ZRANB2: variants seen among roughly 807,000 people sequenced by gnomAD.
ZRANB2 encodes the protein zinc finger RANBP2-type containing 2, also known as zinc finger Ran-binding domain-containing protein 2.
ZRANB2 carries 19 observed loss-of-function variants against 53.4 expected under a neutral mutation model. That is an observed-to-expected ratio of 0.36 (90% CI 0.25 to 0.52). The LOEUF is 0.52. Among genes scored for constraint, ZRANB2 ranks in the 20% least tolerant of loss-of-function variants. The pLI, the probability that ZRANB2 is intolerant of heterozygous loss-of-function variation, is 0.93. For missense variants in ZRANB2, 309 were observed against 401.1 expected, an observed-to-expected ratio of 0.77 and a Z score of 1.96; for synonymous variants, 145 against 134.8, an observed-to-expected ratio of 1.08 and a Z score of -0.52.
At chr1:71,068,529 T>A (rs1372699691) in intron 8 of ZRANB2, among the ~76,000 whole-genome samples, 2 of 152,014 alleles carry the variant, frequency 1.3e-5, no homozygotes, top group Non-Finnish European at 2.9e-5. Context: ...CCACATCCTA[T>A]CTCAACTAAC....
At chr1:71,077,810 C>T (rs1195862581) in intron 3 of ZRANB2, among the ~76,000 whole-genome samples, 1 of 152,114 alleles carries the variant, frequency 6.6e-6, no homozygotes, top group Non-Finnish European at 1.5e-5. Context: ...GAACTGAGAT[C>T]GCCCCACTGC....
At position 71,080,998 on chromosome 1, in the gene ZRANB2, T is replaced by C. The variant is rs940748425; in HGVS notation, c.-3A>G. On this transcript the variant is annotated 5_prime_UTR_variant, in exon 1 of 10. Transcript: ENST00000370920. ...ACTCGGAAATTCTTGGTCGACATCTTGAACGCCACCAGCACAGCCACCCGC... is the reference window on the plus strand; with the variant it reads ...ACTCGGAAATTCTTGGTCGACATCTCGAACGCCACCAGCACAGCCACCCGC... 2.5e-6 allele frequency: 4 copies of C among 1,614,134 alleles called. No individual in the cohort carries two copies. The highest frequency in any genetic ancestry group is 3.4e-6 in the Non-Finnish European group (4 of 1,180,024).
rs781590347 is a variant in ZRANB2, at chr1:71,072,456, C to T, written c.378+16G>A. The T allele has an allele frequency of 1.3e-6, 2 of 1,583,502 alleles. No individual in the cohort carries two copies. Among genetic ancestry groups the T allele is most frequent in the Non-Finnish European group, 1.7e-6 (2 of 1,165,458 alleles). ...TTCTAATTTATATTCAACCTGAACACCAAAATATAGCTTACCTCATCATAT... is the reference window on the plus strand; with the variant it reads ...TTCTAATTTATATTCAACCTGAACATCAAAATATAGCTTACCTCATCATAT... On this transcript the variant is annotated intron_variant, in intron 5 of 9. Coordinates refer to ENST00000370920, the MANE Select transcript of ZRANB2 (RefSeq NM_203350.3).
At chr1:71,069,880 A>G (rs1661557981) in intron 7 of ZRANB2, among the ~76,000 whole-genome samples, 1 of 152,162 alleles carries the variant, frequency 6.6e-6, no homozygotes, top group South Asian at 2.1e-4. Flanking sequence ...TTAGGTAATT[A>G]TATTATTGGA....
intron 3 of ZRANB2, 30 bp from the exon 4 acceptor site, chr1:71,076,907 G>C (rs771473042): frequency 3.5e-5 from 52 of 1,504,354 alleles, no homozygotes; most frequent in Non-Finnish European, 4.2e-5. Context: ...TAAATTAGTA[G>C]GCTATAATAT....
At chr1:71,078,746 T>A (rs546713879) in intron 1 of ZRANB2, 38 bp from the exon 2 acceptor site, 2 of 1,550,648 alleles carry the variant, frequency 1.3e-6, no homozygotes, top group Admixed American at 3.4e-5. Flanking sequence ...AAAATTTAAA[T>A]TTGTAAAATT....
intron 4 of ZRANB2, among the ~76,000 whole-genome samples, chr1:71,074,330 G>A (rs1661659557): frequency 1.3e-5 from 2 of 152,100 alleles, no homozygotes; most frequent in Non-Finnish European, 1.5e-5. Flanking sequence ...AAGAATTTCC[G>A]TAGATTTTAG....
intron 3 of ZRANB2, among the ~76,000 whole-genome samples, chr1:71,077,974 A>G (rs1471161643): frequency 1.3e-5 from 2 of 152,246 alleles, no homozygotes; most frequent in Non-Finnish European, 2.9e-5. Context: ...TGGAAAAATC[A>G]ATGAAGAATT....
intron 4 of ZRANB2, among the ~76,000 whole-genome samples, chr1:71,075,640 C>G (rs901916392): frequency 6.6e-6 from 1 of 151,916 alleles, no homozygotes; most frequent in African/African-American, 2.4e-5. Context: ...GAAGAGAAAC[C>G]TGCAAAGGAG....
At chr1:71,071,986 A>C (rs1661604127) in intron 6 of ZRANB2, 135 bp downstream of exon 6, 3 of 1,329,562 alleles carry the variant, frequency 2.3e-6, no homozygotes, top group Admixed American at 2.5e-5. Flanking sequence ...GGCAGAGTGG[A>C]AATCCAAAAC....
chr1:71,080,834 C>G (rs902031718), intron 1 of ZRANB2, 106 bp downstream of exon 1: 1 of 1,354,670 alleles, frequency 7.4e-7, no homozygotes, highest in Non-Finnish European at 1.1e-6. Flanking sequence ...GCCGCCTCAA[C>G]CCGTCTTAAG....
At chr1:71,075,735 C>T (rs565792719) in intron 4 of ZRANB2, among the ~76,000 whole-genome samples, 123 of 151,838 alleles carry the variant, frequency 8.1e-4, no homozygotes, top group Non-Finnish European at 1.7e-3. Flanking sequence ...AAGAAAAAAA[C>T]GAGATCCTTG....
At chr1:71,069,593 A>G (rs910914202) in intron 7 of ZRANB2, 41 of 305,022 alleles carry the variant, frequency 1.3e-4, no homozygotes, top group African/African-American at 6.9e-4. Context: ...CCACTCAACT[A>G]TAAAACAAAA....
intron 7 of ZRANB2, 125 bp from the exon 8 acceptor site, chr1:71,069,487 A>C (rs755193470): frequency 1.1e-5 from 6 of 549,852 alleles, no homozygotes; most frequent in Non-Finnish European, 1.9e-5. Context: ...TACAAGATAT[A>C]TACTTTCAAA....
chr1:71,072,378 T>C lies in ZRANB2; in HGVS notation c.378+94A>G, dbSNP rs375778287. ...AATGATCAGTTGCTGAAGACTCAAA[T>C]TGCACTTAAAAAAAAGTTTGTTTTC... On this transcript the variant is annotated intron_variant, in intron 5 of 9. Transcript: ENST00000370920. The C allele has an allele frequency of 2.6e-5, 38 of 1,448,226 alleles. No homozygotes were observed. The African/African-American group carries it at 3.6e-4, about 14-fold the overall frequency. The allele number at this position is 1,448,226 out of a possible 1,614,324, so 89.7% of individuals were successfully genotyped here.
At position 71,078,659 on chromosome 1, in the gene ZRANB2, G is replaced by C; in HGVS notation, c.106C>G (p.Arg36Gly). ...AGAATCTTCTTTAAATACTTACCCC[G>C]ACCACATCGATTACAGCTGGTTCTT... The part of the protein sequence containing the change: ...ARRTSCNRCG[R>G]EKTTEAKMMK... The change falls in exon 2 of 10, where the codon CGG becomes GGG. Residue 36 changes from arginine to glycine, a missense_variant. Transcript: ENST00000370920. The C allele has an allele frequency of 6.2e-7, 1 of 1,612,644 alleles. No individual in the cohort carries two copies. The highest frequency in any genetic ancestry group is 8.5e-7 in the Non-Finnish European group (1 of 1,179,034).
In ZRANB2 at chr1:71,063,296, G is replaced by A. The variant is rs1219447788; in HGVS notation, c.*1778C>T. ...GTTTAAAAATGAACATTAGATCAGA[G>A]TTTAAAAATCTCTAGTTTATTTCTA... On this transcript the variant is annotated 3_prime_UTR_variant, in exon 10 of 10. Transcript: ENST00000370920. 6.6e-6 allele frequency: 1 copy of A among 152,214 alleles called. No homozygotes were observed. Among genetic ancestry groups the A allele is most frequent in the African/African-American group, 2.4e-5 (1 of 41,424 alleles). 9.4% of individuals were successfully genotyped at this position (152,214 alleles called of 1,614,324 possible). A position where few individuals can be genotyped will look rare whatever the true frequency, so the allele number is the denominator to read the frequency against.
At chr1:71,068,518 A>C (rs1324526687) in intron 8 of ZRANB2, among the ~76,000 whole-genome samples, 1 of 152,126 alleles carries the variant, frequency 6.6e-6, no homozygotes, top group Non-Finnish European at 1.5e-5. Context: ...ACTACTTAAG[A>C]CCACATCCTA....
intron 6 of ZRANB2, 34 bp downstream of exon 6, chr1:71,072,087 G>C (rs1294584344): frequency 6.3e-7 from 1 of 1,596,262 alleles, no homozygotes; most frequent in Non-Finnish European, 8.5e-7. Context: ...ACTCCAATAA[G>C]ACAAAAGGGA....
Sources: allele counts gnomAD v4.1 joint callset (sites outside exome capture counted in the v4.1 genomes callset), GRCh38; gene constraint gnomAD v4.1.1; transcripts MANE v1.5; gene names NCBI Gene and HGNC (gene_info 2026-07-23, HGNC 2026-07-21).